The following CSMD1 variants were observed in gnomAD, a reference collection of about 807,000 sequenced individuals.
CSMD1 encodes the protein CUB and sushi domain-containing protein 1.
A neutral mutation model predicts 417.5 loss-of-function variants in CSMD1; 213 were observed. The observed-to-expected ratio is 0.51, with a 90% CI of 0.46 to 0.57. The LOEUF (loss-of-function observed/expected upper bound fraction) is 0.57, where lower values mean the gene tolerates loss of function less well. Ranked by LOEUF, CSMD1 falls within the 20% of genes least tolerant of loss-of-function variation. The pLI is 0.00. For missense variants in CSMD1, 6,923 were observed against 4,529.7 expected (o/e 1.53, Z -15.17); for synonymous variants, 2,862 against 1,736.8 (o/e 1.65, Z -16.11).
At chr8:3,223,203 A>C (rs1425555939) in intron 28 of CSMD1, among the ~76,000 whole-genome samples, 1 of 152,228 alleles carries the variant, frequency 6.6e-6, no homozygotes, top group Non-Finnish European at 1.5e-5. Context: ...CGTCTAGTTT[A>C]GCAAGTACAA....
chr8:4,126,089 A>T (rs760958355), intron 3 of CSMD1, among the ~76,000 whole-genome samples: 44 of 151,956 alleles, frequency 2.9e-4, no homozygotes, highest in Non-Finnish European at 4.1e-4. Flanking sequence ...GAAACAGAAG[A>T]CAGCAAGAAA....
chr8:3,913,213 A>G (rs369005677), intron 5 of CSMD1, among the ~76,000 whole-genome samples: 25 of 152,290 alleles, frequency 1.6e-4, no homozygotes, highest in African/African-American at 5.8e-4. Context: ...GTCAGAACAG[A>G]TATCAGGGTT....
In CSMD1 at chr8:4,657,722, A is replaced by T. The variant is rs370513985; in HGVS notation, c.86-20164T>A. Among the ~76,000 whole-genome samples the T allele has an allele frequency of 1.5e-3, 187 of 126,768 alleles. 1 individual carries two copies. Among genetic ancestry groups the T allele is most frequent in the African/African-American group, 5.6e-3 (178 of 31,972 alleles). The allele number at this position is 126,768 out of a possible 152,430, so 83.2% of individuals were successfully genotyped here. On this transcript the variant is annotated intron_variant, in intron 1 of 69. Transcript: ENST00000635120. ...ATATGACCCACTCACAAAAGAAATG[A>T]AAAAAAAAAAAACTCTCCCTGAAAA...
At chr8:4,705,202 G>A (rs747749035) in intron 1 of CSMD1, among the ~76,000 whole-genome samples, 1 of 152,082 alleles carries the variant, frequency 6.6e-6, no homozygotes, top group Non-Finnish European at 1.5e-5. Flanking sequence ...CACCCATGAA[G>A]AACTGTGAGT....
At chr8:3,839,794 C>A (rs990072680) in intron 5 of CSMD1, among the ~76,000 whole-genome samples, 1 of 151,570 alleles carries the variant, frequency 6.6e-6, no homozygotes, top group Non-Finnish European at 1.5e-5. Context: ...CCCAGAGAAG[C>A]TGGTGGCCAA....
At chr8:4,146,287 G>A (rs13264213) in intron 3 of CSMD1, among the ~76,000 whole-genome samples, 46,930 of 150,744 alleles carry the variant, frequency 0.31, 9,014 homozygotes, top group Non-Finnish European at 0.4. Flanking sequence ...AGTGCAGTCG[G>A]CACAGTGCCA....
intron 2 of CSMD1, among the ~76,000 whole-genome samples, chr8:4,631,204 A>T (rs1372534483): frequency 6.6e-6 from 1 of 152,114 alleles, no homozygotes; most frequent in African/African-American, 2.4e-5. Flanking sequence ...CTATTAAAAA[A>T]TACAAAAATT....
intron 5 of CSMD1, among the ~76,000 whole-genome samples, chr8:3,891,235 G>C (rs1040485076): frequency 6.6e-6 from 1 of 151,974 alleles, no homozygotes; most frequent in African/African-American, 2.4e-5. Flanking sequence ...TCTTTGTAAA[G>C]ATGGGTTTTT....
intron 7 of CSMD1, among the ~76,000 whole-genome samples, chr8:3,663,717 G>A (rs968452947): frequency 1.3e-5 from 2 of 152,034 alleles, no homozygotes; most frequent in Non-Finnish European, 2.9e-5. Context: ...CGTTCTGCCC[G>A]CCTTTGCTTT....
At chr8:3,071,914 A>C (rs7844468) in intron 49 of CSMD1, among the ~76,000 whole-genome samples, 1 of 152,044 alleles carries the variant, frequency 6.6e-6, no homozygotes, top group African/African-American at 2.4e-5. Flanking sequence ...TGTGCCCCTC[A>C]GTTGATCTCT....
intron 21 of CSMD1, among the ~76,000 whole-genome samples, chr8:3,355,296 G>A (rs922347607): frequency 1.3e-5 from 2 of 151,976 alleles, no homozygotes; most frequent in Admixed American, 6.6e-5. Flanking sequence ...AAATAATTCT[G>A]AAATGATGTC....
chr8:3,539,640 C>T (rs531030117), intron 10 of CSMD1, among the ~76,000 whole-genome samples: 3 of 152,122 alleles, frequency 2.0e-5, no homozygotes, highest in Non-Finnish European at 4.4e-5. Context: ...CTCCCTCCCC[C>T]ATCCCTCACT....
At chr8:3,314,326 T>G (rs913192069) in intron 23 of CSMD1, among the ~76,000 whole-genome samples, 1 of 152,190 alleles carries the variant, frequency 6.6e-6, no homozygotes, top group Non-Finnish European at 1.5e-5. Context: ...AATAGAGATA[T>G]TTCCATTTTA....
intron 3 of CSMD1, among the ~76,000 whole-genome samples, chr8:4,242,624 G>A (rs1483961585): frequency 6.6e-6 from 1 of 152,146 alleles, no homozygotes; most frequent in Middle Eastern, 3.2e-3. Flanking sequence ...GCTAGTTCAT[G>A]AGGCATCTTT....
intron 3 of CSMD1, among the ~76,000 whole-genome samples, chr8:4,313,945 C>A (rs1431777153): frequency 2.0e-5 from 3 of 151,814 alleles, no homozygotes; most frequent in Non-Finnish European, 4.4e-5. Context: ...ACCTGGGAGG[C>A]AGAGGTTGCA....
chr8:4,907,203 C>G (rs576833795), intron 1 of CSMD1, among the ~76,000 whole-genome samples: 1 of 152,304 alleles, frequency 6.6e-6, no homozygotes, highest in African/African-American at 2.4e-5. Flanking sequence ...ACAACTTTTA[C>G]TCTCTTTGAA....
chr8:4,753,936 T>G lies in CSMD1; in HGVS notation c.86-116378A>C, dbSNP rs562715459. On this transcript the variant is annotated intron_variant, in intron 1 of 69. Coordinates refer to ENST00000635120, the MANE Select transcript of CSMD1 (RefSeq NM_033225.6). The stretch of plus-strand genomic sequence containing the variant: ...CTGTTACCAGCACATGCGAGATGCT[T>G]TATGTGCTGCCAATTTAAAAAAGCA... 1.1e-4 allele frequency among the ~76,000 whole-genome samples: 16 copies of G among 152,328 alleles called. No individual in the cohort carries two copies. In the East Asian group the frequency reaches 2.9e-3, roughly 28 times the overall value.
At chr8:4,077,674 G>C (rs910293193) in intron 3 of CSMD1, among the ~76,000 whole-genome samples, 2 of 152,058 alleles carry the variant, frequency 1.3e-5, no homozygotes, top group Non-Finnish European at 2.9e-5. Context: ...TCTTTTTCAT[G>C]TATTTGTTTC....
At chr8:3,977,167 T>G (rs905751471) in intron 5 of CSMD1, among the ~76,000 whole-genome samples, 10 of 152,202 alleles carry the variant, frequency 6.6e-5, no homozygotes, top group Non-Finnish European at 1.2e-4. Flanking sequence ...TCTCTTGGGC[T>G]GAAGCAATCT....
Sources: allele counts gnomAD v4.1 joint callset (sites outside exome capture counted in the v4.1 genomes callset), GRCh38; gene constraint gnomAD v4.1.1; transcripts MANE v1.5; gene names NCBI Gene and HGNC (gene_info 2026-07-23, HGNC 2026-07-21).